APBA1: variants seen among roughly 807,000 people sequenced by gnomAD.
APBA1 encodes amyloid-beta A4 precursor protein-binding family A member 1.
In APBA1, 55 loss-of-function variants were observed where a neutral mutation model predicts 86.6. The ratio of observed to expected loss-of-function variants is 0.64; its 90% CI spans 0.51 to 0.80. APBA1 has a LOEUF of 0.80. APBA1 is among the 30% of genes least tolerant of loss of function. The probability of loss-of-function intolerance (pLI) is 0.00; values close to 1 mark genes in which losing one functional copy is unlikely to be tolerated. For synonymous variants in APBA1, 511 were observed against 493.9 expected (o/e 1.03, Z -0.46); for missense variants, 1,090 against 1,183.0 (o/e 0.92, Z 1.15).
intron 1 of APBA1, among the ~76,000 whole-genome samples, chr9:69,562,477 T>C (rs940385345): frequency 4.6e-5 from 7 of 151,966 alleles, no homozygotes; most frequent in African/African-American, 1.7e-4. Flanking sequence ...TGGGTTCAAT[T>C]GATTCTCCTG....
chr9:69,496,207 C>G (rs915915471), intron 2 of APBA1, among the ~76,000 whole-genome samples: 3 of 152,040 alleles, frequency 2.0e-5, no homozygotes, highest in Non-Finnish European at 4.4e-5. Context: ...CAGAGAGACG[C>G]CCCCAGAGCT....
chr9:69,511,005 G>C (rs1420816764), intron 2 of APBA1, among the ~76,000 whole-genome samples: 1 of 150,742 alleles, frequency 6.6e-6, no homozygotes, highest in African/African-American at 2.5e-5. Flanking sequence ...TCAGGACATA[G>C]GCATGGGCAA....
intron 5 of APBA1, among the ~76,000 whole-genome samples, chr9:69,459,129 TGGAATTAATTCCACTGTG>T (rs983598195): frequency 8.5e-4 from 129 of 152,380 alleles, no homozygotes; most frequent in African/African-American, 3.0e-3. Context: ...CTGCTGATTT[TGGAATTAATTCCACTGTG>T]GTCAGAGAAC....
intron 1 of APBA1, among the ~76,000 whole-genome samples, chr9:69,569,053 TA>T (rs2133946046): frequency 6.6e-6 from 1 of 152,300 alleles, no homozygotes; most frequent in African/African-American, 2.4e-5. Context: ...AAAGAATGAA[TA>T]TTGAACAATT....
chr9:69,621,162 G>C (rs1433416889), intron 1 of APBA1, among the ~76,000 whole-genome samples: 2 of 152,222 alleles, frequency 1.3e-5, no homozygotes, highest in East Asian at 1.9e-4. Context: ...CACCAGTGAA[G>C]GGAATTTAAC....
At chr9:69,600,240 G>A (rs1383519986) in intron 1 of APBA1, among the ~76,000 whole-genome samples, 1 of 152,192 alleles carries the variant, frequency 6.6e-6, no homozygotes, top group Admixed American at 6.5e-5. Context: ...AATTTCCGCT[G>A]ACTATGGTGA....
chr9:69,431,171 A>T lies in APBA1; in HGVS notation c.*156T>A. The T allele has an allele frequency of 6.8e-6, 3 of 441,978 alleles. No individual in the cohort carries two copies. Among genetic ancestry groups the T allele is most frequent in the Non-Finnish European group, 1.2e-5 (3 of 247,102 alleles). The allele number at this position is 441,978 out of a possible 1,614,324, so 27.4% of individuals were successfully genotyped here. ...AAAAAAAAAAAAAAAAGCAAATCGG[A>T]GAGAGTAAAGAGGTCCTTGTGGATT... is the stretch of plus-strand genomic sequence containing the variant. On this transcript the variant is annotated 3_prime_UTR_variant, in exon 13 of 13. Transcript: ENST00000265381.
At chr9:69,635,973 A>T (rs908957092) in intron 1 of APBA1, among the ~76,000 whole-genome samples, 1 of 152,216 alleles carries the variant, frequency 6.6e-6, no homozygotes, top group Non-Finnish European at 1.5e-5. Flanking sequence ...GTGAGGAGAC[A>T]AGCCACAGAA....
At chr9:69,588,902 ATGAGACCT>A (rs1191793848) in intron 1 of APBA1, among the ~76,000 whole-genome samples, 4 of 152,220 alleles carry the variant, frequency 2.6e-5, no homozygotes, top group African/African-American at 9.6e-5. Context: ...CTTATATAGC[ATGAGACCT>A]TGCTCTCTAT....
chr9:69,579,661 C>T (rs1821877404), intron 1 of APBA1, among the ~76,000 whole-genome samples: 1 of 152,192 alleles, frequency 6.6e-6, no homozygotes, highest in Admixed American at 6.5e-5. Flanking sequence ...AGCCAATGTT[C>T]TTAAGCATCT....
intron 1 of APBA1, among the ~76,000 whole-genome samples, chr9:69,563,526 G>A (rs971045138): frequency 5.9e-5 from 9 of 152,296 alleles, no homozygotes; most frequent in Non-Finnish European, 1.3e-4. Flanking sequence ...TACACGGGTT[G>A]CATGGCTACC....
intron 1 of APBA1, among the ~76,000 whole-genome samples, chr9:69,541,597 C>T (rs1421614291): frequency 1.4e-5 from 2 of 145,894 alleles, no homozygotes; most frequent in Admixed American, 7.0e-5. Context: ...TCAGTAAATA[C>T]TTTTGAGTGA....
rs371468640 is a variant in APBA1, at chr9:69,519,789, A to G, written c.-69-2510T>C. 1.9e-4 allele frequency among the ~76,000 whole-genome samples: 29 copies of G among 152,334 alleles called. 1 individual carries two copies. Among genetic ancestry groups the G allele is most frequent in the African/African-American group, 7.0e-4 (29 of 41,578 alleles). ...TCTTTAGCTTGATGAAAATCTATTGACATATGTATTAAAAAGAAATTTTAG... is the reference window on the plus strand; with the variant it reads ...TCTTTAGCTTGATGAAAATCTATTGGCATATGTATTAAAAAGAAATTTTAG... On this transcript the variant is annotated intron_variant, in intron 1 of 12. Coordinates refer to ENST00000265381, the MANE Select transcript of APBA1 (RefSeq NM_001163.4).
intron 4 of APBA1, 40 bp from the exon 5 acceptor site, chr9:69,468,008 G>A (rs757623154): frequency 1.2e-6 from 2 of 1,602,112 alleles, no homozygotes; most frequent in East Asian, 4.5e-5. Context: ...CCATCCTGGG[G>A]TGGGGCCTGC....
At chr9:69,519,704 C>G (rs1425680497) in intron 1 of APBA1, among the ~76,000 whole-genome samples, 1 of 152,192 alleles carries the variant, frequency 6.6e-6, no homozygotes, top group Non-Finnish European at 1.5e-5. Context: ...GAATGACCAA[C>G]AATTCATGAT....
intron 1 of APBA1, among the ~76,000 whole-genome samples, chr9:69,637,858 C>T (rs1299796892): frequency 1.3e-5 from 2 of 152,014 alleles, no homozygotes; most frequent in African/African-American, 2.4e-5. Flanking sequence ...CTGGGCCAGA[C>T]AGGAGAAATT....
At chr9:69,651,529 G>C (rs1361341149) in intron 1 of APBA1, among the ~76,000 whole-genome samples, 1 of 152,012 alleles carries the variant, frequency 6.6e-6, no homozygotes, top group Non-Finnish European at 1.5e-5. Context: ...AGGCTAGAGT[G>C]TAATGGTGTG....
intron 1 of APBA1, among the ~76,000 whole-genome samples, chr9:69,597,216 T>C (rs1460757320): frequency 2.0e-5 from 3 of 152,220 alleles, no homozygotes; most frequent in African/African-American, 7.2e-5. Flanking sequence ...TTCTAACTGG[T>C]GTGAGATAGT....
In APBA1 at chr9:69,516,424, T is replaced by A. The variant is rs1164847500; in HGVS notation, c.787A>T (p.Ser263Cys). The A allele has an allele frequency of 6.2e-7, 1 of 1,604,946 alleles. No homozygotes were observed. The highest frequency in any genetic ancestry group is 8.5e-7 in the Non-Finnish European group (1 of 1,178,674). The change falls in exon 2 of 13, where the codon AGC (serine) becomes TGC (cysteine). Residue 263 changes from serine to cysteine, a missense_variant. Around this residue, in one of 6 missense-constraint regions of APBA1, gnomAD observed 678 missense variants for 647.1 expected, o/e 1.05. Transcript: ENST00000265381. The surrounding 1 kb of genome is among the most constrained non-coding windows in gnomAD (Gnocchi z 7.3). The part of the protein sequence containing the change: ...AEFAPYPRMD[S>C]YEQEEDIDQI... The stretch of plus-strand genomic sequence containing the variant: ...TCGATGTCCTCCTCCTGCTCGTAGC[T>A]GTCCATGCGCGGGTAGGGCGCGAAC...
Sources: gnomAD v4.1 joint callset for allele counts (sites outside exome capture counted in the v4.1 genomes callset) on GRCh38, gnomAD v4.1.1 for gene constraint, gnomAD v4.1.1 regional missense constraint, Gnocchi (gnomAD v3.1) non-coding constraint, MANE v1.5 for transcripts, NCBI Gene and HGNC (gene_info 2026-07-23, HGNC 2026-07-21) for gene names.